Variants in PLB1 observed in about 807,000 individuals in gnomAD.
The protein encoded by PLB1 is phospholipase B1, also known as phospholipase B1, membrane-associated.
A neutral mutation model predicts 227.4 loss-of-function variants in PLB1; 242 were observed. The ratio of observed to expected loss-of-function variants is 1.06; its 90% CI spans 0.96 to 1.18. PLB1 has a LOEUF of 1.18. PLB1 is among the 50% of genes most tolerant of loss of function. PLB1 has a pLI of 0.00. For missense variants in PLB1, 1,858 were observed against 1,816.3 expected, an observed-to-expected ratio of 1.02 and a Z score of -0.42; for synonymous variants, 757 against 682.2, an observed-to-expected ratio of 1.11 and a Z score of -1.71.
chr2:28,586,660 C>A (rs557374506), intron 26 of PLB1, among the ~76,000 whole-genome samples: 1 of 152,266 alleles, frequency 6.6e-6, no homozygotes, highest in East Asian at 1.9e-4. Context: ...GGGAAATGAA[C>A]CTGTATTTAT....
At chr2:28,583,845 A>AT (rs1337375378) in intron 25 of PLB1, among the ~76,000 whole-genome samples, 1 of 143,294 alleles carries the variant, frequency 7.0e-6, no homozygotes, top group Non-Finnish European at 1.5e-5. Context: ...TAATGCAAAT[A>AT]TTCCAAAAAA....
In PLB1 at chr2:28,625,069, C is replaced by T. The variant is rs375454129; in HGVS notation, c.3540C>T (p.Ala1180=). 6 of 1,613,688 alleles carry T rather than the reference C, an allele frequency of 3.7e-6. No homozygotes were observed. The African/African-American group carries it at 8.0e-5, about 22-fold the overall frequency. ...ACCCCCCACCTAGGGACATGCCAGCCCAGGCCTGGGACCTGGTAGAGCGAA... is the reference window on the plus strand; with the variant it reads ...ACCCCCCACCTAGGGACATGCCAGCTCAGGCCTGGGACCTGGTAGAGCGAA... ...AEGARARDMP[A]QAWDLVERMK... The change falls in exon 50 of 58, where the codon GCC becomes GCT. Residue 1180 remains alanine, a synonymous_variant. Coordinates refer to ENST00000327757, the MANE Select transcript of PLB1 (RefSeq NM_153021.5).
At chr2:28,581,487 AAATAAAT>A (rs200182153) in intron 23 of PLB1, among the ~76,000 whole-genome samples, 7,574 of 37,556 alleles carry the variant, frequency 0.2, 528 homozygotes, top group East Asian at 0.38. Flanking sequence ...CCACGCAAAA[AAATAAAT>A]AAATAAATAA....
intron 10 of PLB1, 64 bp from the exon 11 acceptor site, chr2:28,539,035 C>A: frequency 7.2e-7 from 1 of 1,380,822 alleles, no homozygotes; most frequent in South Asian, 1.2e-5. Context: ...GCAGGAGTTC[C>A]AGAAAGCCCG....
rs1355580929 is a variant in PLB1 at position 28,630,170 on chromosome 2, TGAG to T, written c.3819-412_3819-410del. ...GAAGAGCTGAGAGGCCCCCGGAACT[TGAG>T]GAGCGATTCCAAACCCAGGGACAGA... On this transcript the variant is annotated intron_variant, in intron 53 of 57. Coordinates refer to ENST00000327757, the MANE Select transcript of PLB1 (RefSeq NM_153021.5). Among the ~76,000 whole-genome samples the T allele has an allele frequency of 6.6e-5, 10 of 151,980 alleles. 1 individual carries two copies. The highest frequency in any genetic ancestry group is 8.8e-5 in the Non-Finnish European group (6 of 67,978).
In PLB1 at chr2:28,538,358, G is replaced by C; in HGVS notation, c.595G>C (p.Val199Leu). The C allele has an allele frequency of 6.2e-7, 1 of 1,612,952 alleles. No homozygotes were observed. ...AAGGVDELMG[V>L]LDYLQQEVPR... ...GGGCGGCGTGGATGAGCTGATGGGG[G>C]TGCTGGACTACCTGCAGCAGGAGGT... is the stretch of plus-strand genomic sequence containing the variant. The change falls in exon 10 of 58, where the codon GTG (valine) becomes CTG (leucine). Residue 199 changes from valine (V) to leucine (L), a missense_variant. Coordinates refer to ENST00000327757, the MANE Select transcript of PLB1 (RefSeq NM_153021.5).
chr2:28,546,786 T>C (rs555507055), intron 14 of PLB1, among the ~76,000 whole-genome samples: 50 of 152,040 alleles, frequency 3.3e-4, no homozygotes, highest in African/African-American at 1.2e-3. Context: ...ATCTATGAAT[T>C]TTCCTTCTTT....
At chr2:28,570,603 T>C (rs1430690938) in intron 20 of PLB1, among the ~76,000 whole-genome samples, 1 of 152,090 alleles carries the variant, frequency 6.6e-6, no homozygotes, top group Non-Finnish European at 1.5e-5. Context: ...CTGGCCAACA[T>C]TGTGAAACCC....
In PLB1 at chr2:28,590,091, A is replaced by G; in HGVS notation, c.2088+15A>G. The G allele has an allele frequency of 6.3e-7, 1 of 1,599,250 alleles. No individual in the cohort carries two copies. The highest frequency in any genetic ancestry group is 8.6e-7 in the Non-Finnish European group (1 of 1,166,446). ...GTCCGAACCAGGTAGAGTGGAAAGC[A>G]CGTCCTTCCAGGCTCCGGCTGCACT... On this transcript the variant is annotated intron_variant, in intron 29 of 57. Coordinates refer to ENST00000327757, the MANE Select transcript of PLB1 (RefSeq NM_153021.5).
At chr2:28,636,444 T>C (rs1689372256) in intron 56 of PLB1, among the ~76,000 whole-genome samples, 1 of 152,186 alleles carries the variant, frequency 6.6e-6, no homozygotes, top group Non-Finnish European at 1.5e-5. Context: ...TGAACACATG[T>C]ATTTCCTGTG....
intron 56 of PLB1, among the ~76,000 whole-genome samples, chr2:28,639,746 A>G (rs1299672604): frequency 6.6e-6 from 1 of 152,236 alleles, no homozygotes; most frequent in African/African-American, 2.4e-5. Flanking sequence ...CTGTTACGAT[A>G]GACTTGAGTT....
intron 33 of PLB1, chr2:28,593,965 T>G (rs774125133): frequency 5.8e-6 from 4 of 685,816 alleles, no homozygotes; most frequent in Non-Finnish European, 1.1e-5. Context: ...TTTTTTTGAT[T>G]GTGCAGAGAA....
At chr2:28,577,980 A>G in intron 21 of PLB1, 127 bp from the exon 22 acceptor site, 1 of 855,344 alleles carries the variant, frequency 1.2e-6, no homozygotes, top group Admixed American at 2.0e-5. Context: ...CACGGCCTTC[A>G]GTCCATTTTC....
rs555477545 is a variant in PLB1, at chr2:28,518,378, A to G, written c.118-88A>G. The G allele has an allele frequency of 7.2e-4, 716 of 1,000,734 alleles. 2 individuals carry two copies. The African/African-American group carries it at 9.8e-3, about 14-fold the overall frequency. The allele number at this position is 1,000,734 out of a possible 1,614,324, so 62.0% of individuals were successfully genotyped here. On this transcript the variant is annotated intron_variant, in intron 2 of 57. Coordinates refer to ENST00000327757, the MANE Select transcript of PLB1 (RefSeq NM_153021.5). Reference sequence around the variant, plus strand: ...GATTTTGAGCCTAGATAGAATGAGTACATGATCATTTCTACACCAAGTTTT... The same window carrying G: ...GATTTTGAGCCTAGATAGAATGAGTGCATGATCATTTCTACACCAAGTTTT...
intron 1 of PLB1, among the ~76,000 whole-genome samples, chr2:28,500,858 G>A (rs2148153886): frequency 6.6e-6 from 1 of 152,286 alleles, no homozygotes. Context: ...TTACAGATTT[G>A]GCCAGTGAGA....
intron 31 of PLB1, among the ~76,000 whole-genome samples, chr2:28,592,282 G>A (rs907243161): frequency 3.9e-5 from 6 of 152,092 alleles, no homozygotes; most frequent in African/African-American, 1.2e-4. Context: ...TTTGATGCCC[G>A]TCTAGTTGTG....
intron 21 of PLB1, among the ~76,000 whole-genome samples, chr2:28,574,240 A>G (rs1310282258): frequency 6.6e-6 from 1 of 152,148 alleles, no homozygotes; most frequent in East Asian, 1.9e-4. Flanking sequence ...GTTTTTGGTT[A>G]CATGAGTAAG....
chr2:28,498,709 A>G (rs1666758092), intron 1 of PLB1, among the ~76,000 whole-genome samples: 1 of 152,182 alleles, frequency 6.6e-6, no homozygotes, highest in African/African-American at 2.4e-5. Context: ...TTTTTGCTCT[A>G]TTAGTCCTTA....
At chr2:28,598,198 C>T (rs138285619) in intron 34 of PLB1, 150 bp downstream of exon 34, 12 of 662,460 alleles carry the variant, frequency 1.8e-5, no homozygotes, top group Middle Eastern at 2.7e-4. Context: ...AAAAAGCAGC[C>T]GAGGCAGGTA....
Sources: allele counts gnomAD v4.1 joint callset (sites outside exome capture counted in the v4.1 genomes callset), GRCh38; gene constraint gnomAD v4.1.1; transcripts MANE v1.5; gene names NCBI Gene and HGNC (gene_info 2026-07-23, HGNC 2026-07-21).